NWD2: variants seen among roughly 807,000 people sequenced by gnomAD.
NWD2 encodes the protein NACHT and WD repeat domain-containing protein 2.
Under a neutral mutation model 132.7 loss-of-function variants are expected in NWD2, and 37 were observed. The ratio of observed to expected loss-of-function variants is 0.28; its 90% CI spans 0.21 to 0.37. NWD2 has a LOEUF of 0.37. Among genes scored for constraint, NWD2 ranks in the 10% least tolerant of loss-of-function variants. NWD2 has a pLI of 1.00. For missense variants in NWD2, 1,592 were observed against 2,122.4 expected, an observed-to-expected ratio of 0.75 and a Z score of 4.91; for synonymous variants, 705 against 803.0, an observed-to-expected ratio of 0.88 and a Z score of 2.06.
intron 3 of NWD2, among the ~76,000 whole-genome samples, chr4:37,396,493 C>A (rs1720794791): frequency 6.6e-6 from 1 of 152,200 alleles, no homozygotes; most frequent in African/African-American, 2.4e-5. Context: ...CGTCACTATT[C>A]TTTACAAGGG....
At chr4:37,414,326 C>T (rs916233686) in intron 3 of NWD2, among the ~76,000 whole-genome samples, 1 of 151,952 alleles carries the variant, frequency 6.6e-6, no homozygotes, top group African/African-American at 2.4e-5. Context: ...ATTATCTGTA[C>T]TTTTGAGCAT....
chr4:37,328,793 A>C (rs1719228076), intron 2 of NWD2, among the ~76,000 whole-genome samples: 1 of 152,124 alleles, frequency 6.6e-6, no homozygotes, highest in South Asian at 2.1e-4. Context: ...CCCATCCTAA[A>C]GTAACCACCT....
At chr4:37,272,019 G>T (rs1717881033) in intron 1 of NWD2, among the ~76,000 whole-genome samples, 2 of 151,612 alleles carry the variant, frequency 1.3e-5, no homozygotes, top group East Asian at 3.9e-4. Context: ...GAATCGGTTT[G>T]AATTGTATTG....
At chr4:37,346,109 C>G (rs976213764) in intron 2 of NWD2, among the ~76,000 whole-genome samples, 1 of 151,002 alleles carries the variant, frequency 6.6e-6, no homozygotes, top group Non-Finnish European at 1.5e-5. Context: ...ACCTACTACT[C>G]CTATGTTTTT....
At chr4:37,287,273 T>C (rs549922063) in intron 1 of NWD2, among the ~76,000 whole-genome samples, 160 of 152,256 alleles carry the variant, frequency 1.1e-3, no homozygotes, top group African/African-American at 3.6e-3. Flanking sequence ...CCTGCAGAGC[T>C]CCCAGGGAAA....
intron 2 of NWD2, among the ~76,000 whole-genome samples, chr4:37,334,333 A>T (rs141776838): frequency 1.3e-5 from 2 of 151,674 alleles, no homozygotes; most frequent in Non-Finnish European, 3.0e-5. Flanking sequence ...ATGTAGTTCC[A>T]GCTTCGTTTT....
chr4:37,258,280 A>G (rs889337188), intron 1 of NWD2, among the ~76,000 whole-genome samples: 1 of 152,240 alleles, frequency 6.6e-6, no homozygotes, highest in African/African-American at 2.4e-5. Context: ...TTATTGAATG[A>G]CCCAACCAAC....
At chr4:37,400,295 A>C (rs541136280) in intron 3 of NWD2, among the ~76,000 whole-genome samples, 77 of 152,342 alleles carry the variant, frequency 5.1e-4, no homozygotes, top group Non-Finnish European at 9.9e-4. Flanking sequence ...TGGGAAAATA[A>C]AGAGAAATTA....
At chr4:37,425,166 TACA>T (rs142482088) in intron 3 of NWD2, among the ~76,000 whole-genome samples, 2,278 of 152,308 alleles carry the variant, frequency 0.015, 54 homozygotes, top group African/African-American at 0.052. Context: ...GTGAAATTCA[TACA>T]ACATAAAATT....
At chr4:37,271,739 T>G (rs181832364) in intron 1 of NWD2, among the ~76,000 whole-genome samples, 5 of 151,910 alleles carry the variant, frequency 3.3e-5, no homozygotes, top group Admixed American at 2.0e-4. Context: ...ACAAAAGTGA[T>G]GGGCAGACAT....
chr4:37,379,141 G>T (rs756004594), intron 3 of NWD2, among the ~76,000 whole-genome samples: 9 of 152,086 alleles, frequency 5.9e-5, no homozygotes, highest in African/African-American at 1.2e-4. Flanking sequence ...CACATGACAG[G>T]GTTCATAAAT....
At chr4:37,323,029 T>A (rs1182770662) in intron 1 of NWD2, among the ~76,000 whole-genome samples, 2 of 147,120 alleles carry the variant, frequency 1.4e-5, no homozygotes, top group Non-Finnish European at 3.1e-5. Flanking sequence ...AATTCTGGGT[T>A]TTCTAATTTA....
intron 1 of NWD2, among the ~76,000 whole-genome samples, chr4:37,304,387 G>C (rs1353854322): frequency 6.6e-6 from 1 of 152,146 alleles, no homozygotes; most frequent in African/African-American, 2.4e-5. Context: ...CAAATCTCAT[G>C]TCCTTCTCAC....
Position 37,285,471 on chromosome 4 carries a change from T to C in NWD2, c.151+40253T>C, listed in dbSNP as rs150244963. ...ATATAATAATATATTTATAGTAATA[T>C]AGAAAAAGACAATAGGGCAGTCCTC... On this transcript the variant is annotated intron_variant, in intron 1 of 6. Coordinates refer to ENST00000309447, the MANE Select transcript of NWD2 (RefSeq NM_001144990.2). Among the ~76,000 whole-genome samples, 583 of 152,100 alleles carry C rather than the reference T, an allele frequency of 3.8e-3. 4 individuals are homozygous for C. The highest frequency in any genetic ancestry group is 0.013 in the African/African-American group (545 of 41,528).
At position 37,446,854 on chromosome 4, in the gene NWD2, T is replaced by C; in HGVS notation, c.4866T>C (p.Leu1622=). ...CCCTTTACAAAACACCAACTTTCCT[T>C]GCACTCTCCCAGAGGCACCTGAACA... is the stretch of plus-strand genomic sequence containing the variant. The part of the protein sequence containing the change: ...ACSLYKTPTF[L]ALSQRHLNII... Residue 1622 remains leucine (L), a synonymous_variant, in exon 7 of 7, where the codon CTT becomes CTC. Coordinates refer to ENST00000309447, the MANE Select transcript of NWD2 (RefSeq NM_001144990.2). The surrounding 1 kb of genome is among the most constrained non-coding windows in gnomAD (Gnocchi z 6.7). 1 of 1,551,856 alleles carries C rather than the reference T, an allele frequency of 6.4e-7. No homozygotes were observed. The highest frequency in any genetic ancestry group is 8.7e-7 in the Non-Finnish European group (1 of 1,147,026).
chr4:37,409,485 G>A (rs1338596382), intron 3 of NWD2, among the ~76,000 whole-genome samples: 1 of 151,944 alleles, frequency 6.6e-6, no homozygotes, highest in Non-Finnish European at 1.5e-5. Context: ...AATGAACAAA[G>A]ACTCCAAGAA....
At chr4:37,255,276 C>A (rs1023089210) in intron 1 of NWD2, among the ~76,000 whole-genome samples, 7 of 152,232 alleles carry the variant, frequency 4.6e-5, no homozygotes, top group African/African-American at 1.7e-4. Flanking sequence ...TATCTGATAT[C>A]CCGGTGTGGC....
In NWD2 at chr4:37,335,334, A is replaced by G. The variant is rs897786202; in HGVS notation, c.240+9310A>G. ...GGGGCTTAAATTGCCTCCCAGGCAA[A>G]TGAGTAGAAAAATTCCTCCTAATTC... On this transcript the variant is annotated intron_variant, in intron 2 of 6. Transcript: ENST00000309447. Among the ~76,000 whole-genome samples the G allele has an allele frequency of 4.7e-5, 7 of 150,482 alleles. No individual in the cohort carries two copies. In the East Asian group the frequency reaches 1.4e-3, roughly 30 times the overall value.
At chr4:37,320,645 C>A (rs1224608071) in intron 1 of NWD2, among the ~76,000 whole-genome samples, 2 of 152,112 alleles carry the variant, frequency 1.3e-5, no homozygotes, top group East Asian at 1.9e-4. Context: ...GAGGAGACAG[C>A]CTCTTGGGGA....
Sources: allele counts gnomAD v4.1 joint callset (sites outside exome capture counted in the v4.1 genomes callset), GRCh38; gene constraint gnomAD v4.1.1; non-coding constraint Gnocchi (gnomAD v3.1); transcripts MANE v1.5; gene names NCBI Gene and HGNC (gene_info 2026-07-23, HGNC 2026-07-21).